EDARADD: variants seen among roughly 807,000 people sequenced by gnomAD.
EDARADD encodes the protein ectodysplasin-A receptor-associated adapter protein.
EDARADD carries 20 observed loss-of-function variants against 25.6 expected under a neutral mutation model. That is an observed-to-expected ratio of 0.78 (90% CI 0.55 to 1.14). The LOEUF (loss-of-function observed/expected upper bound fraction) is 1.14. Among genes scored for constraint, EDARADD ranks in the 50% most tolerant of loss-of-function variants. EDARADD has a pLI of 0.00. For missense variants in EDARADD, 225 were observed against 270.1 expected, an observed-to-expected ratio of 0.83 and a Z score of 1.17; for synonymous variants, 86 against 94.4, an observed-to-expected ratio of 0.91 and a Z score of 0.52.
chr1:236,365,436 C>T (rs1667103039), intron 3 of EDARADD, among the ~76,000 whole-genome samples: 1 of 152,166 alleles, frequency 6.6e-6, no homozygotes, highest in East Asian at 1.9e-4. Context: ...TCTAGCATTA[C>T]AGGCATGAAC....
upstream of EDARADD, among the ~76,000 whole-genome samples, chr1:236,393,391 C>CTTTTTTTTT (rs761525038): frequency 9.6e-4 from 84 of 87,200 alleles, 3 homozygotes; most frequent in East Asian, 2.8e-3. Flanking sequence ...TTCTTTCTTT[C>CTTTTTTTTT]TTTTTTTTTT....
chr1:236,396,770 T>C (rs1667522668), intron 1 of EDARADD, among the ~76,000 whole-genome samples: 1 of 151,888 alleles, frequency 6.6e-6, no homozygotes, highest in South Asian at 2.1e-4. Flanking sequence ...TGTCTAGATA[T>C]TCTTCCCCAT....
chr1:236,397,855 C>T (rs1220882082), intron 1 of EDARADD, among the ~76,000 whole-genome samples: 2 of 151,996 alleles, frequency 1.3e-5, no homozygotes, highest in Non-Finnish European at 1.5e-5. Flanking sequence ...ACACACACAC[C>T]CCAATTTCCC....
intron 5 of EDARADD, among the ~76,000 whole-genome samples, chr1:236,471,682 C>T (rs1165899281): frequency 6.6e-6 from 1 of 152,158 alleles, no homozygotes; most frequent in African/African-American, 2.4e-5. Context: ...TTTGAACTAA[C>T]TCAAGACCTG....
Position 236,409,562 on chromosome 1 carries a change from T to A in EDARADD, c.120+288T>A, listed in dbSNP as rs534091060. ...TCCCTGGTTTTTTTTTATTTCATTTTTCATTTTTATTTTTTTTTAGACGGA... is the reference window on the plus strand; with the variant it reads ...TCCCTGGTTTTTTTTTATTTCATTTATCATTTTTATTTTTTTTTAGACGGA... On this transcript the variant is annotated intron_variant, in intron 2 of 5. Transcript: ENST00000334232. 4.6e-5 allele frequency among the ~76,000 whole-genome samples: 7 copies of A among 152,186 alleles called. No homozygotes were observed. In the East Asian group the frequency reaches 7.7e-4, roughly 17 times the overall value.
chr1:236,418,242 C>T (rs536781989), intron 3 of EDARADD, among the ~76,000 whole-genome samples: 2 of 151,374 alleles, frequency 1.3e-5, no homozygotes, highest in African/African-American at 2.4e-5. Flanking sequence ...CGTGAGCCAC[C>T]GCGCCCGGCC....
chr1:236,454,789 C>G (rs1322947197), intron 4 of EDARADD, among the ~76,000 whole-genome samples: 1 of 152,178 alleles, frequency 6.6e-6, no homozygotes, highest in Admixed American at 6.5e-5. Flanking sequence ...TGCTGGGCCT[C>G]TTGCCTTGCC....
At chr1:236,386,920 T>TG (rs1667361694) in intron 3 of EDARADD, among the ~76,000 whole-genome samples, 3 of 27,080 alleles carry the variant, frequency 1.1e-4, no homozygotes, top group South Asian at 2.8e-3. Context: ...GGGAGGGAGG[T>TG]GGGGGGGTCA....
chr1:236,394,801 C>A (rs972791234), intron 1 of EDARADD, among the ~76,000 whole-genome samples: 1 of 152,148 alleles, frequency 6.6e-6, no homozygotes, highest in Non-Finnish European at 1.5e-5. Context: ...CCAATTCCAA[C>A]GTGTTCTCAC....
At position 236,395,726 on chromosome 1, in the gene EDARADD, C is replaced by T. The variant is rs1380325063; in HGVS notation, c.61+1221C>T. On this transcript the variant is annotated intron_variant, in intron 1 of 5. Transcript: ENST00000334232. The surrounding 1 kb of genome is among the most constrained non-coding windows in gnomAD (Gnocchi z 6.9). ...CCGCGGGGCGGGAGCTCGGGAGGCG[C>T]TCGCAGCAGCCGCAGGGCTATCGAG... 3.3e-6 allele frequency: 5 copies of T among 1,521,456 alleles called. No homozygotes were observed. The African/African-American group carries it at 7.1e-5, about 22-fold the overall frequency. 94.2% of individuals were successfully genotyped at this position (1,521,456 alleles called of 1,614,324 possible). A position where few individuals can be genotyped will look rare whatever the true frequency, so the allele number is the denominator to read the frequency against.
At chr1:236,408,004 G>A (rs1667767703) in intron 1 of EDARADD, among the ~76,000 whole-genome samples, 1 of 152,122 alleles carries the variant, frequency 6.6e-6, no homozygotes, top group Admixed American at 6.5e-5. Flanking sequence ...AGCAAAATAG[G>A]AAATCAGGAA....
intron 4 of EDARADD, among the ~76,000 whole-genome samples, chr1:236,464,948 G>A (rs947705089): frequency 2.0e-5 from 3 of 151,926 alleles, no homozygotes; most frequent in Non-Finnish European, 2.9e-5. Context: ...CTCTCCCAGG[G>A]ACCAGGACCA....
Position 236,460,647 on chromosome 1 carries a change from G to A in EDARADD, c.220-7584G>A, listed in dbSNP as rs764041602. ...CAGAAAAAGAACTGAGTTTAAACAG[G>A]CTTTTTAGAAAAACCCAACAGGAGA... On this transcript the variant is annotated intron_variant, in intron 4 of 5. Coordinates refer to ENST00000334232, the MANE Select transcript of EDARADD (RefSeq NM_145861.4). Among the ~76,000 whole-genome samples, 60 of 152,060 alleles carry A rather than the reference G, an allele frequency of 3.9e-4. 1 individual carries two copies. Among genetic ancestry groups the A allele is most frequent in the Admixed American group, 4.6e-4 (7 of 15,272 alleles).
At chr1:236,375,464 T>G (rs1667214712) in intron 3 of EDARADD, among the ~76,000 whole-genome samples, 1 of 152,006 alleles carries the variant, frequency 6.6e-6, no homozygotes, top group Admixed American at 6.6e-5. Context: ...GAGACCAGCC[T>G]GGCCAACATG....
At chr1:236,349,099 T>G (rs1230570093) in intron 2 of EDARADD, 1 of 152,248 alleles carries the variant, frequency 6.6e-6, no homozygotes, top group Non-Finnish European at 1.5e-5. Context: ...CAGACTAGAT[T>G]CAAACTCCTG....
At chr1:236,416,305 G>T (rs1416235202) in intron 3 of EDARADD, among the ~76,000 whole-genome samples, 1 of 152,208 alleles carries the variant, frequency 6.6e-6, no homozygotes, top group Non-Finnish European at 1.5e-5. Context: ...AGCCGAAGAA[G>T]TGTGAAAAAT....
At chr1:236,361,635 T>TATATATATATATATATA in intron 3 of EDARADD, among the ~76,000 whole-genome samples, 2 of 134,208 alleles carry the variant, frequency 1.5e-5, no homozygotes, top group Admixed American at 1.5e-4. Flanking sequence ...CAGCCAAATT[T>TATATATATATATATATA]TATATATATA....
At chr1:236,429,101 G>A (rs1461367736) in intron 4 of EDARADD, among the ~76,000 whole-genome samples, 21 of 152,110 alleles carry the variant, frequency 1.4e-4, no homozygotes, top group East Asian at 9.6e-4. Context: ...GTCCAGCCTC[G>A]GCTGGGCATC....
intron 2 of EDARADD, among the ~76,000 whole-genome samples, chr1:236,413,519 T>C (rs1657555080): frequency 6.6e-6 from 1 of 152,178 alleles, no homozygotes; most frequent in Non-Finnish European, 1.5e-5. Flanking sequence ...AGTTGGGAGC[T>C]GAGCAGGGGT....
Sources: gnomAD v4.1 joint callset for allele counts (sites outside exome capture counted in the v4.1 genomes callset) on GRCh38, gnomAD v4.1.1 for gene constraint, Gnocchi (gnomAD v3.1) non-coding constraint, MANE v1.5 for transcripts, NCBI Gene and HGNC (gene_info 2026-07-23, HGNC 2026-07-21) for gene names.